PAPSS1: variants seen among roughly 807,000 people sequenced by gnomAD.
PAPSS1 encodes 3'-phosphoadenosine 5'-phosphosulfate synthase 1.
Under a neutral mutation model 72.0 loss-of-function variants are expected in PAPSS1, and 50 were observed. The observed-to-expected ratio is 0.69, with a 90% CI of 0.55 to 0.88. The LOEUF (loss-of-function observed/expected upper bound fraction) is 0.88. Among genes scored for constraint, PAPSS1 ranks in the 40% least tolerant of loss-of-function variants. The pLI is 0.00. For missense variants in PAPSS1, 657 were observed against 782.2 expected (o/e 0.84, Z 1.91); for synonymous variants, 261 against 263.6 (o/e 0.99, Z 0.09).
chr4:107,642,732 T>C (rs1365269332), intron 10 of PAPSS1, among the ~76,000 whole-genome samples: 2 of 152,076 alleles, frequency 1.3e-5, no homozygotes, highest in Non-Finnish European at 2.9e-5. Flanking sequence ...GGTTAAGAAA[T>C]AGGAAAAGTA....
At chr4:107,682,196 A>C (rs1168600812) in intron 4 of PAPSS1, 63 bp from the exon 5 acceptor site, 1 of 837,668 alleles carries the variant, frequency 1.2e-6, no homozygotes, top group Non-Finnish European at 2.0e-6. Flanking sequence ...TTATTTTTTC[A>C]GTGCAGATCT....
intron 11 of PAPSS1, among the ~76,000 whole-genome samples, chr4:107,616,259 A>T (rs891447183): frequency 6.6e-6 from 1 of 152,136 alleles, no homozygotes; most frequent in Non-Finnish European, 1.5e-5. Flanking sequence ...TACAATGATC[A>T]TTTCATCAAT....
intron 11 of PAPSS1, among the ~76,000 whole-genome samples, chr4:107,626,457 T>C (rs527724671): frequency 4.5e-4 from 68 of 152,358 alleles, no homozygotes; most frequent in African/African-American, 1.5e-3. Context: ...AAAAGTTTAT[T>C]TGCAATTTCT....
intron 1 of PAPSS1, among the ~76,000 whole-genome samples, chr4:107,712,179 C>T (rs1723512015): frequency 6.6e-6 from 1 of 152,182 alleles, no homozygotes. Flanking sequence ...ATTCCATTAC[C>T]TCCAACTGGG....
Position 107,648,340 on chromosome 4 carries a change from G to A in PAPSS1, c.1238-3270C>T, listed in dbSNP as rs576111191. On this transcript the variant is annotated intron_variant, in intron 9 of 11. Coordinates refer to ENST00000265174, the MANE Select transcript of PAPSS1 (RefSeq NM_005443.5). ...AGAGGCGTTGCCAGCAAGGACTGTC[G>A]TGTCGTGGCACAGTGCAGAGCGACC... 1.3e-4 allele frequency among the ~76,000 whole-genome samples: 20 copies of A among 152,318 alleles called. 1 individual carries two copies. In the South Asian group the frequency reaches 2.7e-3, roughly 20 times the overall value.
chr4:107,636,499 G>A (rs1326911081), intron 10 of PAPSS1, among the ~76,000 whole-genome samples: 1 of 152,158 alleles, frequency 6.6e-6, no homozygotes, highest in Non-Finnish European at 1.5e-5. Context: ...AACGACAGCA[G>A]AAGCGTGCAA....
chr4:107,675,414 C>T (rs1366804720), intron 5 of PAPSS1, among the ~76,000 whole-genome samples: 1 of 152,200 alleles, frequency 6.6e-6, no homozygotes, highest in South Asian at 2.1e-4. Context: ...CACCTCTACA[C>T]AAATAAACTA....
At chr4:107,685,332 TAGCCTACTCC>T (rs1303897689) in intron 4 of PAPSS1, among the ~76,000 whole-genome samples, 22 of 152,148 alleles carry the variant, frequency 1.4e-4, no homozygotes, top group African/African-American at 5.3e-4. Flanking sequence ...TGCTCACAAG[TAGCCTACTCC>T]AGCCAGGATG....
intron 7 of PAPSS1, among the ~76,000 whole-genome samples, chr4:107,655,981 G>T (rs187211317): frequency 6.6e-6 from 1 of 152,142 alleles, no homozygotes; most frequent in African/African-American, 2.4e-5. Context: ...AAACTTGGTA[G>T]CAATTATAGT....
intron 1 of PAPSS1, among the ~76,000 whole-genome samples, chr4:107,710,719 G>A (rs753265526): frequency 2.0e-5 from 3 of 152,172 alleles, no homozygotes; most frequent in Non-Finnish European, 4.4e-5. Flanking sequence ...AGGGTCAACA[G>A]CTTAAATCTC....
intron 2 of PAPSS1, 154 bp from the exon 3 acceptor site, chr4:107,694,160 C>T (rs1322567184): frequency 5.0e-6 from 3 of 597,998 alleles, no homozygotes; most frequent in Non-Finnish European, 8.9e-6. Context: ...AACTCCTGGA[C>T]TCAAGAGATC....
chr4:107,651,689 C>G (rs991938960), intron 9 of PAPSS1, among the ~76,000 whole-genome samples: 7 of 152,088 alleles, frequency 4.6e-5, no homozygotes, highest in African/African-American at 1.7e-4. Context: ...GGGGAAGCCA[C>G]CCCCATGATT....
At chr4:107,704,397 A>T (rs1723282929) in intron 1 of PAPSS1, among the ~76,000 whole-genome samples, 1 of 152,214 alleles carries the variant, frequency 6.6e-6, no homozygotes. Flanking sequence ...AAGTGGTAAG[A>T]GTGGGCACCC....
chr4:107,718,611 C>G (rs1723695488), intron 1 of PAPSS1, among the ~76,000 whole-genome samples: 1 of 152,184 alleles, frequency 6.6e-6, no homozygotes, highest in African/African-American at 2.4e-5. Context: ...CCAACACAAA[C>G]CATGAACTAC....
chr4:107,698,004 C>A (rs575146504), intron 2 of PAPSS1, among the ~76,000 whole-genome samples: 19 of 152,306 alleles, frequency 1.2e-4, no homozygotes, highest in African/African-American at 4.6e-4. Context: ...TCAGCACTTA[C>A]AGGAGGAACC....
In PAPSS1 at chr4:107,621,608, C is replaced by CTTTT. The variant is rs10670438; in HGVS notation, c.1737-7225_1737-7222dup. 4.4e-3 allele frequency among the ~76,000 whole-genome samples: 210 copies of CTTTT among 48,152 alleles called. 20 individuals carry two copies. The highest frequency in any genetic ancestry group is 4.9e-3 in the Non-Finnish European group (126 of 25,738). 31.6% of individuals were successfully genotyped at this position (48,152 alleles called of 152,430 possible). On this transcript the variant is annotated intron_variant, in intron 11 of 11. Coordinates refer to ENST00000265174, the MANE Select transcript of PAPSS1 (RefSeq NM_005443.5). The stretch of plus-strand genomic sequence containing the variant: ...CTTTCTAGGAAGACAGGTTTTTTAT[C>CTTTT]TTTTTTTTTTTTTTTTTTTTTTTTT...
chr4:107,687,510 A>G (rs1384613755), intron 3 of PAPSS1, among the ~76,000 whole-genome samples: 1 of 152,146 alleles, frequency 6.6e-6, no homozygotes, highest in Non-Finnish European at 1.5e-5. Flanking sequence ...GCTTCTCTCT[A>G]ATATCACATT....
In PAPSS1 at chr4:107,646,597, G is replaced by A. The variant is rs1232020207; in HGVS notation, c.1238-1527C>T. ...AGAAGGGAAGTGCTCAAAGAATAATGGGGACATCTGATGAAGGCTCATCTG... is the reference window on the plus strand; with the variant it reads ...AGAAGGGAAGTGCTCAAAGAATAATAGGGACATCTGATGAAGGCTCATCTG... On this transcript the variant is annotated intron_variant, in intron 9 of 11. Transcript: ENST00000265174. 5.9e-5 allele frequency among the ~76,000 whole-genome samples: 9 copies of A among 151,620 alleles called. No homozygotes were observed. In the South Asian group the frequency reaches 1.3e-3, roughly 21 times the overall value.
intron 2 of PAPSS1, 92 bp from the exon 3 acceptor site, chr4:107,694,098 G>A (rs760512514): frequency 6.7e-6 from 6 of 893,416 alleles, no homozygotes; most frequent in Non-Finnish European, 1.0e-5. Context: ...CAAGAGTCTT[G>A]CTCTGCCACC....
Sources: gnomAD v4.1 joint callset for allele counts (sites outside exome capture counted in the v4.1 genomes callset) on GRCh38, gnomAD v4.1.1 for gene constraint, MANE v1.5 for transcripts, NCBI Gene and HGNC (gene_info 2026-07-23, HGNC 2026-07-21) for gene names.